Variants in CRTC1 observed in about 807,000 individuals in gnomAD.
CRTC1 encodes CREB regulated transcription coactivator 1.
A neutral mutation model predicts 66.1 loss-of-function variants in CRTC1; 18 were observed. That is an observed-to-expected ratio of 0.27 (90% CI 0.19 to 0.40). The LOEUF (loss-of-function observed/expected upper bound fraction) is 0.40. Ranked by LOEUF, CRTC1 falls within the 10% of genes least tolerant of loss-of-function variation. The pLI, the probability that CRTC1 is intolerant of heterozygous loss-of-function variation, is 1.00. For synonymous variants in CRTC1, 416 were observed against 398.8 expected (o/e 1.04, Z -0.51); for missense variants, 669 against 887.9 (o/e 0.75, Z 3.13).
At chr19:18,701,326 C>G (rs1275465009) in intron 1 of CRTC1, among the ~76,000 whole-genome samples, 3 of 152,232 alleles carry the variant, frequency 2.0e-5, no homozygotes, top group Non-Finnish European at 2.9e-5. Context: ...TCACAGAGCC[C>G]CCTTGAGGAG....
intron 6 of CRTC1, 67 bp downstream of exon 6, chr19:18,753,652 G>C: frequency 7.9e-7 from 1 of 1,262,090 alleles, no homozygotes; most frequent in South Asian, 1.3e-5. Flanking sequence ...CCTGGGCAAA[G>C]GTGACAAAAT....
At chr19:18,743,241 G>T (rs929999199) in intron 2 of CRTC1, among the ~76,000 whole-genome samples, 3 of 152,246 alleles carry the variant, frequency 2.0e-5, no homozygotes, top group African/African-American at 7.2e-5. Context: ...ACCCCGAGGC[G>T]AGCCCTCCAT....
intron 1 of CRTC1, among the ~76,000 whole-genome samples, chr19:18,703,358 A>T (rs2053191529): frequency 6.6e-6 from 1 of 150,786 alleles, no homozygotes; most frequent in Non-Finnish European, 1.5e-5. Context: ...TATTAACTAG[A>T]CTCCAGACTG....
intron 1 of CRTC1, among the ~76,000 whole-genome samples, chr19:18,692,108 C>T (rs893008637): frequency 6.6e-6 from 1 of 152,126 alleles, no homozygotes; most frequent in South Asian, 2.1e-4. Flanking sequence ...CACCCCAGGC[C>T]CTGCTCTTGC....
At chr19:18,769,323 T>C (rs2054810787) in intron 10 of CRTC1, among the ~76,000 whole-genome samples, 1 of 152,232 alleles carries the variant, frequency 6.6e-6, no homozygotes, top group South Asian at 2.1e-4. Context: ...GCTTTAACCC[T>C]GTACCCACAA....
intron 1 of CRTC1, among the ~76,000 whole-genome samples, chr19:18,698,294 T>C (rs1255558130): frequency 6.7e-6 from 1 of 150,154 alleles, no homozygotes; most frequent in Non-Finnish European, 1.5e-5. Context: ...GCACAGTGTG[T>C]ACTCAGCAGG....
chr19:18,742,831 T>C, intron 1 of CRTC1, 79 bp from the exon 2 acceptor site: 1 of 1,057,390 alleles, frequency 9.5e-7, no homozygotes, highest in Non-Finnish European at 1.5e-6. Flanking sequence ...ACTTGGGTCT[T>C]TTTGTGCCTT....
At chr19:18,704,727 A>C (rs1414664251) in intron 1 of CRTC1, among the ~76,000 whole-genome samples, 2 of 152,168 alleles carry the variant, frequency 1.3e-5, no homozygotes, top group African/African-American at 4.8e-5. Flanking sequence ...CAAACCAAAA[A>C]CAAAACAAAT....
intron 2 of CRTC1, chr19:18,744,193 G>T: frequency 6.2e-7 from 1 of 1,600,578 alleles, no homozygotes; most frequent in Non-Finnish European, 8.5e-7. Context: ...GGCGTCCCCG[G>T]CGCCAGCCTG....
chr19:18,717,521 G>T (rs988794180), intron 1 of CRTC1, among the ~76,000 whole-genome samples: 5 of 152,148 alleles, frequency 3.3e-5, no homozygotes, highest in African/African-American at 1.2e-4. Context: ...GGGTCGTAGT[G>T]CTCACTCACA....
chr19:18,718,840 C>T (rs1568495383), intron 1 of CRTC1, among the ~76,000 whole-genome samples: 1 of 152,170 alleles, frequency 6.6e-6, no homozygotes, highest in African/African-American at 2.4e-5. Context: ...AACAGCAGCT[C>T]AGCATGTCAC....
At chr19:18,750,865 G>A (rs1481944646) in intron 5 of CRTC1, among the ~76,000 whole-genome samples, 3 of 152,194 alleles carry the variant, frequency 2.0e-5, no homozygotes, top group Non-Finnish European at 4.4e-5. Context: ...CACAGTGCCT[G>A]GGGCTTCCCT....
chr19:18,780,699 A>G lies in CRTC1; in HGVS notation c.*3317A>G, dbSNP rs1288761431. The stretch of plus-strand genomic sequence containing the variant: ...TGGGGGGCCAGGCCGGGTGGCTTCT[A>G]TTTTATTTTTTTAGAGATGGGGTCT... On this transcript the variant is annotated 3_prime_UTR_variant, in exon 14 of 14. Transcript: ENST00000321949. 9.2e-6 allele frequency: 2 copies of G among 217,794 alleles called. No homozygotes were observed. The highest frequency in any genetic ancestry group is 2.3e-5 in the African/African-American group (1 of 44,266). The allele number at this position is 217,794 out of a possible 1,614,324, so 13.5% of individuals were successfully genotyped here. A position where few individuals can be genotyped will look rare whatever the true frequency, so the allele number is the denominator to read the frequency against.
At chr19:18,689,723 G>A (rs184307477) in intron 1 of CRTC1, among the ~76,000 whole-genome samples, 2 of 150,760 alleles carry the variant, frequency 1.3e-5, no homozygotes, top group East Asian at 2.0e-4. Flanking sequence ...GGTCTACCCC[G>A]TTTTGTCCAT....
chr19:18,766,287 ATTTTTTTTTT>A (rs1020411277), intron 9 of CRTC1, among the ~76,000 whole-genome samples: 7 of 109,680 alleles, frequency 6.4e-5, no homozygotes, highest in Non-Finnish European at 1.1e-4. Context: ...TGCCTGGCTA[ATTTTTTTTTT>A]TTTTTTTTTT....
intron 8 of CRTC1, among the ~76,000 whole-genome samples, chr19:18,762,138 C>A (rs563542127): frequency 6.6e-6 from 1 of 152,332 alleles, no homozygotes; most frequent in South Asian, 2.1e-4. Flanking sequence ...CCTGCTTTTC[C>A]CCTCACATCT....
At chr19:18,710,071 T>C (rs1466726601) in intron 1 of CRTC1, among the ~76,000 whole-genome samples, 1 of 142,872 alleles carries the variant, frequency 7.0e-6, no homozygotes, top group Non-Finnish European at 1.5e-5. Flanking sequence ...ACTGTCATGG[T>C]CACTCTGTGA....
At chr19:18,712,417 C>T (rs1016486573) in intron 1 of CRTC1, among the ~76,000 whole-genome samples, 13 of 152,036 alleles carry the variant, frequency 8.6e-5, no homozygotes, top group African/African-American at 3.1e-4. Context: ...ACCACCACAC[C>T]CAGCTAATTT....
In CRTC1 at chr19:18,760,557, C is replaced by T. The variant is rs75783225; in HGVS notation, c.886+329C>T. Among the ~76,000 whole-genome samples, 57 of 152,098 alleles carry T rather than the reference C, an allele frequency of 3.7e-4. No homozygotes were observed. The highest frequency in any genetic ancestry group is 1.1e-3 in the African/African-American group (47 of 41,488). ...GCCAGGCCTTCCCTCCGCCCCTCCTCGACCCCAGCCCCTCATTGGGGGGCG... is the reference window on the plus strand; with the variant it reads ...GCCAGGCCTTCCCTCCGCCCCTCCTTGACCCCAGCCCCTCATTGGGGGGCG... On this transcript the variant is annotated intron_variant, in intron 8 of 13. Coordinates refer to ENST00000321949, the MANE Select transcript of CRTC1 (RefSeq NM_015321.3). The surrounding 1 kb of genome is among the most constrained non-coding windows in gnomAD (Gnocchi z 6.2).
Sources: allele counts gnomAD v4.1 joint callset (sites outside exome capture counted in the v4.1 genomes callset), GRCh38; gene constraint gnomAD v4.1.1; non-coding constraint Gnocchi (gnomAD v3.1); transcripts MANE v1.5; gene names NCBI Gene and HGNC (gene_info 2026-07-23, HGNC 2026-07-21).